ORC2: variants seen among roughly 807,000 people sequenced by gnomAD.
ORC2 encodes origin recognition complex protein 2 homolog.
In ORC2, 37 loss-of-function variants were observed where a neutral mutation model predicts 77.7. The ratio of observed to expected loss-of-function variants is 0.48; its 90% CI spans 0.37 to 0.63. The LOEUF (loss-of-function observed/expected upper bound fraction) is 0.63. Ranked by LOEUF, ORC2 falls within the 20% of genes least tolerant of loss-of-function variation. The probability of loss-of-function intolerance (pLI) is 0.00; values close to 1 mark genes in which losing one functional copy is unlikely to be tolerated. For missense variants in ORC2, 557 were observed against 661.9 expected (o/e 0.84, Z 1.74); for synonymous variants, 201 against 229.5 (o/e 0.88, Z 1.12).
rs949734686 is a variant in ORC2, at chr2:200,955,573, A to T, written c.238+1828T>A. Among the ~76,000 whole-genome samples, 4 of 152,216 alleles carry T rather than the reference A, an allele frequency of 2.6e-5. No homozygotes were observed. In the East Asian group the frequency reaches 7.7e-4, roughly 29 times the overall value. On this transcript the variant is annotated intron_variant, in intron 4 of 17. Transcript: ENST00000234296. ...CTAGAATGGGAGAACTGAAAAACCA[A>T]ATCACTTAACACTGGGAACTTGATG...
intron 7 of ORC2, among the ~76,000 whole-genome samples, chr2:200,938,829 C>T (rs901770430): frequency 1.3e-5 from 2 of 152,122 alleles, no homozygotes; most frequent in South Asian, 2.1e-4. Context: ...CACCTGAGGT[C>T]GGGAGTTTGA....
At position 200,909,502 on chromosome 2, in the gene ORC2, G is replaced by A. The variant is rs1320091950; in HGVS notation, c.*1799C>T. On this transcript the variant is annotated 3_prime_UTR_variant, in exon 18 of 18. Transcript: ENST00000234296. ...CAGGATCACTTGAGGTCAGGAATTC[G>A]AGACCAGCCTGGCCAACATGGTGAA... The A allele has an allele frequency of 2.0e-5, 3 of 151,924 alleles. No individual in the cohort carries two copies. The highest frequency in any genetic ancestry group is 1.5e-5 in the Non-Finnish European group (1 of 68,010). The allele number at this position is 151,924 out of a possible 1,614,324, so 9.4% of individuals were successfully genotyped here. A position where few individuals can be genotyped will look rare whatever the true frequency, so the allele number is the denominator to read the frequency against.
At chr2:200,960,699 A>G (rs2041555155) in intron 1 of ORC2, among the ~76,000 whole-genome samples, 1 of 152,216 alleles carries the variant, frequency 6.6e-6, no homozygotes, top group African/African-American at 2.4e-5. Context: ...TTAAATATTA[A>G]TAACTCATTG....
chr2:200,917,924 A>C (rs547413996), intron 15 of ORC2, among the ~76,000 whole-genome samples: 1 of 152,114 alleles, frequency 6.6e-6, no homozygotes, highest in Non-Finnish European at 1.5e-5. Flanking sequence ...AGATATCCCC[A>C]AAGTCCCTGT....
intron 13 of ORC2, among the ~76,000 whole-genome samples, chr2:200,923,760 A>G (rs1045795480): frequency 6.6e-6 from 1 of 152,188 alleles, no homozygotes; most frequent in East Asian, 1.9e-4. Context: ...CCAACAAAAA[A>G]GCAGAAAAAT....
rs2040512224 is a variant in ORC2 at position 200,909,029 on chromosome 2, GAC to G, written c.*2270_*2271del. On this transcript the variant is annotated 3_prime_UTR_variant, in exon 18 of 18. Coordinates refer to ENST00000234296, the MANE Select transcript of ORC2 (RefSeq NM_006190.5). ...TTATTTATTAATAATAAAGTCTACT[GAC>G]ACATACTGCTTGCAAATAGTATAGA... The G allele has an allele frequency of 6.6e-6, 1 of 152,036 alleles. No homozygotes were observed. The highest frequency in any genetic ancestry group is 2.4e-5 in the African/African-American group (1 of 41,378). 9.4% of individuals were successfully genotyped at this position (152,036 alleles called of 1,614,324 possible). A position where few individuals can be genotyped will look rare whatever the true frequency, so the allele number is the denominator to read the frequency against.
At chr2:200,931,496 C>T in intron 10 of ORC2, 48 bp from the exon 11 acceptor site, 1 of 963,098 alleles carries the variant, frequency 1.0e-6, no homozygotes, top group African/African-American at 1.7e-5. Flanking sequence ...AAAGCACAGA[C>T]AGCAAATCAA....
intron 4 of ORC2, among the ~76,000 whole-genome samples, chr2:200,952,042 G>A (rs1026944370): frequency 2.0e-5 from 3 of 151,876 alleles, no homozygotes; most frequent in Non-Finnish European, 4.4e-5. Flanking sequence ...GGGAGGTAGA[G>A]GGCCTTTTTT....
intron 13 of ORC2, among the ~76,000 whole-genome samples, chr2:200,925,600 A>G (rs2040826956): frequency 6.6e-6 from 1 of 152,072 alleles, no homozygotes. Context: ...TTAGCCAGGC[A>G]TAATGGCACA....
At chr2:200,961,774 GA>G (rs1176993968) in intron 1 of ORC2, among the ~76,000 whole-genome samples, 1 of 152,152 alleles carries the variant, frequency 6.6e-6, no homozygotes, top group East Asian at 1.9e-4. Flanking sequence ...GTCTGCATCA[GA>G]AAAAATATAA....
chr2:200,963,458 G>A, intron 1 of ORC2, 32 bp downstream of exon 1: 1 of 398,660 alleles, frequency 2.5e-6, no homozygotes, highest in Non-Finnish European at 4.4e-6. Context: ...GCAGAAAAGG[G>A]AGGCAGGCTG....
At chr2:200,921,175 A>T (rs967834918) in intron 13 of ORC2, 36 bp from the exon 14 acceptor site, 34 of 1,368,968 alleles carry the variant, frequency 2.5e-5, no homozygotes, top group African/African-American at 1.2e-4. Context: ...TATTATTATT[A>T]TTTTTAGAGG....
In ORC2 at chr2:200,959,416, A is replaced by C. The variant is rs868367614; in HGVS notation, c.-35T>G. ...CCTTTTAAGGTACTACACATTCTGC[A>C]GCTGCAAAATTCAGATACAGTCACC... On this transcript the variant is annotated 5_prime_UTR_variant, in exon 2 of 18. Transcript: ENST00000234296. The C allele has an allele frequency of 4.6e-5, 7 of 152,374 alleles. No homozygotes were observed. Among genetic ancestry groups the C allele is most frequent in the Middle Eastern group, 3.4e-3 (1 of 294 alleles). The allele number at this position is 152,374 out of a possible 1,614,324, so 9.4% of individuals were successfully genotyped here.
intron 8 of ORC2, among the ~76,000 whole-genome samples, 186 bp downstream of exon 8, chr2:200,937,720 A>G (rs2041072751): frequency 6.6e-6 from 1 of 152,224 alleles, no homozygotes; most frequent in Non-Finnish European, 1.5e-5. Flanking sequence ...TTCATTGGAA[A>G]GACCTTTTAG....
intron 9 of ORC2, among the ~76,000 whole-genome samples, chr2:200,934,711 G>GA (rs977278332): frequency 3.3e-5 from 5 of 150,756 alleles, no homozygotes; most frequent in African/African-American, 4.9e-5. Context: ...GGTAACAAAA[G>GA]AAAAAAAAGA....
chr2:200,913,318 G>T lies in ORC2; in HGVS notation c.1624C>A (p.His542Asn). The change falls in exon 17 of 18, where the codon CAC becomes AAC. Residue 542 changes from histidine (H) to asparagine (N), a missense_variant. Transcript: ENST00000234296. ...ACCTTCTTTGTTCTTATAAGCTTGTGGTCCCTAAATTCAGTTAACTGGGCC... is the reference window on the plus strand; with the variant it reads ...ACCTTCTTTGTTCTTATAAGCTTGTTGTCCCTAAATTCAGTTAACTGGGCC... Reference protein sequence around the residue: ...LRAQLTEFRDHKLIRTKKGTD... With the variant: ...LRAQLTEFRDNKLIRTKKGTD... The T allele has an allele frequency of 6.3e-7, 1 of 1,598,046 alleles. No homozygotes were observed. Among genetic ancestry groups the T allele is most frequent in the Non-Finnish European group, 8.5e-7 (1 of 1,169,598 alleles).
chr2:200,916,476 C>G (rs1473910455), intron 15 of ORC2, among the ~76,000 whole-genome samples: 1 of 151,778 alleles, frequency 6.6e-6, no homozygotes, highest in Non-Finnish European at 1.5e-5. Context: ...CACCATGAGT[C>G]TCCATCTCAA....
chr2:200,925,977 T>C (rs1190719215), intron 12 of ORC2, 45 bp from the exon 13 acceptor site: 3 of 837,064 alleles, frequency 3.6e-6, no homozygotes, highest in Non-Finnish European at 5.9e-6. Flanking sequence ...TTACAATTTA[T>C]TGTCATATAC....
intron 4 of ORC2, among the ~76,000 whole-genome samples, chr2:200,954,896 GAATGAATGAATA>G (rs1485715339): frequency 7.4e-6 from 1 of 134,740 alleles, no homozygotes; most frequent in Non-Finnish European, 1.6e-5. Flanking sequence ...ATGAATGAAT[GAATGAATGAATA>G]AATAAATAAA....
Sources: gnomAD v4.1 joint callset for allele counts (sites outside exome capture counted in the v4.1 genomes callset) on GRCh38, gnomAD v4.1.1 for gene constraint, MANE v1.5 for transcripts, NCBI Gene and HGNC (gene_info 2026-07-23, HGNC 2026-07-21) for gene names.